The following DST variants were observed in gnomAD, a reference collection of about 807,000 sequenced individuals.
DST encodes bullous pemphigoid antigen.
In DST, 253 loss-of-function variants were observed where a neutral mutation model predicts 875.2. The observed-to-expected ratio is 0.29, with a 90% CI of 0.26 to 0.32. The LOEUF (loss-of-function observed/expected upper bound fraction) is 0.32. Among genes scored for constraint, DST ranks in the 10% least tolerant of loss-of-function variants. The pLI is 1.00. For synonymous variants in DST, 3,124 were observed against 3,197.1 expected (o/e 0.98, Z 0.77); for missense variants, 8,287 against 9,111.6 (o/e 0.91, Z 3.68).
chr6:56,676,858 C>T (rs972002702), intron 9 of DST, among the ~76,000 whole-genome samples: 5 of 152,010 alleles, frequency 3.3e-5, no homozygotes, highest in South Asian at 2.1e-4. Flanking sequence ...GAGAGTAGAA[C>T]GGTGGTTACC....
At chr6:56,809,929 T>C (rs1049038322) in intron 4 of DST, among the ~76,000 whole-genome samples, 1 of 152,244 alleles carries the variant, frequency 6.6e-6, no homozygotes, top group Non-Finnish European at 1.5e-5. Context: ...AGTATTACTT[T>C]ATTATTTTTG....
chr6:56,689,126 AT>A (rs941803676), intron 9 of DST, among the ~76,000 whole-genome samples: 2 of 152,200 alleles, frequency 1.3e-5, no homozygotes, highest in African/African-American at 4.8e-5. Flanking sequence ...GATGGAGCTC[AT>A]AACAGAACAC....
chr6:56,669,188 T>C (rs1244212793), intron 10 of DST, among the ~76,000 whole-genome samples: 3 of 151,242 alleles, frequency 2.0e-5, no homozygotes, highest in Non-Finnish European at 4.4e-5. Flanking sequence ...TTGGTTAGTT[T>C]AATGACTTTA....
chr6:56,592,245 T>C lies in DST; in HGVS notation c.12840A>G (p.Lys4280=), dbSNP rs749181214. ...GLQACEATAS[K]HLSEPIAVDP... is the part of the protein sequence containing the mutation. Reference sequence around the variant, plus strand: ...CCACCGCAATAGGTTCAGATAAGTGTTTGCTCGCTGTGGCCTCACAGGCCT... The same window carrying C: ...CCACCGCAATAGGTTCAGATAAGTGCTTGCTCGCTGTGGCCTCACAGGCCT... Residue 4280 remains lysine (K), a synonymous_variant, in exon 49 of 104, where the codon AAA becomes AAG. Transcript: ENST00000680361. 6.2e-7 allele frequency: 1 copy of C among 1,613,488 alleles called. No homozygotes were observed. The highest frequency in any genetic ancestry group is 1.7e-5 in the Admixed American group (1 of 59,982).
At chr6:56,562,023 C>T in intron 56 of DST, 115 bp downstream of exon 56, 1 of 552,904 alleles carries the variant, frequency 1.8e-6, no homozygotes, top group East Asian at 3.3e-5. Context: ...AGATTAAATA[C>T]CATTGTAATT....
intron 4 of DST, among the ~76,000 whole-genome samples, chr6:56,764,510 C>T (rs754934623): frequency 6.6e-6 from 1 of 152,202 alleles, no homozygotes; most frequent in Non-Finnish European, 1.5e-5. Flanking sequence ...TAACTTTACT[C>T]ATCTAGCTTT....
chr6:56,872,419 G>C (rs1591930360), intron 3 of DST, among the ~76,000 whole-genome samples: 1 of 152,114 alleles, frequency 6.6e-6, no homozygotes, highest in Admixed American at 6.6e-5. Flanking sequence ...CTACTCAAGA[G>C]GATGAGGTGG....
intron 24 of DST, 93 bp downstream of exon 24, chr6:56,635,494 CAA>C: frequency 7.9e-7 from 1 of 1,261,282 alleles, no homozygotes. Context: ...TGGGAAATAT[CAA>C]GAGTGCCAAT....
chr6:56,771,204 T>C, intron 4 of DST, among the ~76,000 whole-genome samples: 1 of 152,210 alleles, frequency 6.6e-6, no homozygotes, highest in East Asian at 1.9e-4. Context: ...CTTAACTATA[T>C]TCCCTTTATA....
intron 49 of DST, among the ~76,000 whole-genome samples, chr6:56,590,516 C>T (rs1041831006): frequency 6.6e-6 from 1 of 152,086 alleles, no homozygotes; most frequent in African/African-American, 2.4e-5. Context: ...CACAGTATCT[C>T]CTCTACCCCC....
chr6:56,546,832 G>C (rs2097237448), intron 61 of DST, among the ~76,000 whole-genome samples: 1 of 152,026 alleles, frequency 6.6e-6, no homozygotes. Context: ...CATTATGAAG[G>C]TTTCCTTTGA....
intron 4 of DST, among the ~76,000 whole-genome samples, chr6:56,819,229 G>A (rs572071197): frequency 2.0e-4 from 30 of 152,194 alleles, no homozygotes; most frequent in Admixed American, 9.8e-4. Context: ...GCTCTGACAC[G>A]GCTAAAACAT....
At chr6:56,509,910 G>C (rs1346891830) in intron 73 of DST, 37 bp from the exon 74 acceptor site, 1 of 1,427,946 alleles carries the variant, frequency 7.0e-7, no homozygotes, top group African/African-American at 1.4e-5. Context: ...ATGGAAAAAA[G>C]ATCTGTAATA....
In DST at chr6:56,608,223, T is replaced by A; in HGVS notation, c.6405A>T (p.Ala2135=). The stretch of plus-strand genomic sequence containing the variant: ...GCAGTGTTATATTTTTTAAAATTGA[T>A]GCTGTGTTGTTGTCTATAATTCCTA... ...KQLGIIDNNT[A]SILKNITLPD... The change falls in exon 40 of 104, where the codon GCA becomes GCT. Residue 2135 remains alanine, a synonymous_variant. Transcript: ENST00000680361. 1.2e-6 allele frequency: 2 copies of A among 1,613,706 alleles called. No homozygotes were observed. Among genetic ancestry groups the A allele is most frequent in the Non-Finnish European group, 1.7e-6 (2 of 1,179,764 alleles).
At position 56,602,967 on chromosome 6, in the gene DST, G is replaced by C. The variant is rs1230102996; in HGVS notation, c.11222C>G (p.Ser3741Ter). The change falls in exon 43 of 104, where the codon TCA becomes TGA. Residue 3741 changes from serine (S) to a stop codon, truncating the protein, a stop_gained. Transcript: ENST00000680361. LOFTEE classifies it high-confidence loss of function. Reference sequence around the variant, plus strand: ...ATCCTTCACAGATTTGCTCTTCTCTGATACCCAATCTGAGAATGACTTAAG... The same window carrying C: ...ATCCTTCACAGATTTGCTCTTCTCTCATACCCAATCTGAGAATGACTTAAG... ...HKLKSFSDWVSEKSKSVKDIE... is the reference protein window; with the variant it reads ...HKLKSFSDWV 5 of 1,596,696 alleles carry C rather than the reference G, an allele frequency of 3.1e-6. No individual in the cohort carries two copies.
intron 60 of DST, among the ~76,000 whole-genome samples, chr6:56,554,222 C>G (rs144834683): frequency 0.011 from 1,664 of 151,438 alleles, 43 homozygotes; most frequent in African/African-American, 0.039. Context: ...GTAGCTGGGA[C>G]TACAGGCACC....
At chr6:56,784,458 G>T (rs575342346) in intron 4 of DST, among the ~76,000 whole-genome samples, 164 of 152,162 alleles carry the variant, frequency 1.1e-3, no homozygotes, top group African/African-American at 3.7e-3. Context: ...TTCCCTTCTT[G>T]CTTCATTTCA....
rs758935254 is a variant in DST at position 56,602,851 on chromosome 6, T to C, written c.11307+31A>G. On this transcript the variant is annotated intron_variant, in intron 43 of 103. Transcript: ENST00000680361. ...TATATTAAAGTCATAGTTTTTGAAATATATTTTGTCATCTTTGTTTTGATA... is the reference window on the plus strand; with the variant it reads ...TATATTAAAGTCATAGTTTTTGAAACATATTTTGTCATCTTTGTTTTGATA... 7 of 1,434,992 alleles carry C rather than the reference T, an allele frequency of 4.9e-6. No individual in the cohort carries two copies. The South Asian group carries it at 9.7e-5, about 20-fold the overall frequency. The allele number at this position is 1,434,992 out of a possible 1,614,324, so 88.9% of individuals were successfully genotyped here. A position where few individuals can be genotyped will look rare whatever the true frequency, so the allele number is the denominator to read the frequency against.
intron 3 of DST, among the ~76,000 whole-genome samples, chr6:56,896,571 C>T (rs1196347552): frequency 5.9e-5 from 9 of 152,188 alleles, no homozygotes; most frequent in Admixed American, 5.9e-4. Flanking sequence ...GTTTACATTC[C>T]CACCAGCAGT....
Sources: allele counts gnomAD v4.1 joint callset (sites outside exome capture counted in the v4.1 genomes callset), GRCh38; gene constraint gnomAD v4.1.1; transcripts MANE v1.5; gene names NCBI Gene and HGNC (gene_info 2026-07-23, HGNC 2026-07-21).